VPS53: variants seen among roughly 807,000 people sequenced by gnomAD.
The protein encoded by VPS53 is VPS53 subunit of GARP complex, also known as vacuolar protein sorting-associated protein 53 homolog.
VPS53 carries 70 observed loss-of-function variants against 107.0 expected under a neutral mutation model. The ratio of observed to expected loss-of-function variants is 0.65; its 90% CI spans 0.54 to 0.80. The LOEUF (loss-of-function observed/expected upper bound fraction) is 0.80, where lower values mean the gene tolerates loss of function less well. Ranked by LOEUF, VPS53 falls within the 30% of genes least tolerant of loss-of-function variation. The pLI is 0.00. For synonymous variants in VPS53, 409 were observed against 393.3 expected, an observed-to-expected ratio of 1.04 and a Z score of -0.47; for missense variants, 917 against 1,049.4, an observed-to-expected ratio of 0.87 and a Z score of 1.74.
intron 2 of VPS53, among the ~76,000 whole-genome samples, chr17:705,161 C>T (rs1468189769): frequency 3.3e-5 from 5 of 152,148 alleles, no homozygotes; most frequent in African/African-American, 1.2e-4. Flanking sequence ...CTTGGGCTCA[C>T]CTTACAGCCC....
At chr17:711,281 T>C (rs1237958586) in intron 1 of VPS53, among the ~76,000 whole-genome samples, 1 of 152,218 alleles carries the variant, frequency 6.6e-6, no homozygotes, top group Non-Finnish European at 1.5e-5. Context: ...AGGTGGATGA[T>C]ACAAGCAGCC....
rs1908381990 is a variant in VPS53, at chr17:517,357, A to C, written c.*1771T>G. On this transcript the variant is annotated 3_prime_UTR_variant, in exon 22 of 22. Transcript: ENST00000437048. ...AAATGACACTCAGGATCAGAGCTGGACGGCATCGGGGAGAAAGCCTGGCAG... is the reference window on the plus strand; with the variant it reads ...AAATGACACTCAGGATCAGAGCTGGCCGGCATCGGGGAGAAAGCCTGGCAG... 3.0e-5 allele frequency: 12 copies of C among 399,018 alleles called. No homozygotes were observed. In the Admixed American group the frequency reaches 4.4e-4, roughly 15 times the overall value. 24.7% of individuals were successfully genotyped at this position (399,018 alleles called of 1,614,324 possible).
chr17:587,545 C>T (rs958527644), intron 12 of VPS53, among the ~76,000 whole-genome samples: 10 of 152,112 alleles, frequency 6.6e-5, no homozygotes, highest in Admixed American at 5.9e-4. Context: ...ACTAGATGAG[C>T]GCTGGTTCCC....
chr17:612,255 T>C (rs1446067751), intron 11 of VPS53, among the ~76,000 whole-genome samples: 1 of 125,472 alleles, frequency 8.0e-6, no homozygotes, highest in Non-Finnish European at 1.7e-5. Flanking sequence ...CCTGTACAAA[T>C]ATTCACATAG....
At chr17:597,048 C>T (rs992422751) in intron 12 of VPS53, among the ~76,000 whole-genome samples, 5 of 152,282 alleles carry the variant, frequency 3.3e-5, no homozygotes, top group African/African-American at 1.2e-4. Flanking sequence ...TTTCAGTGTC[C>T]CTCAGGCTCC....
chr17:529,028 C>T (rs1399974106), intron 19 of VPS53, among the ~76,000 whole-genome samples: 1 of 152,176 alleles, frequency 6.6e-6, no homozygotes, highest in East Asian at 1.9e-4. Context: ...TATGAGTGTT[C>T]TAATTTCACC....
chr17:568,457 G>C (rs986846645), intron 13 of VPS53, among the ~76,000 whole-genome samples: 1 of 151,926 alleles, frequency 6.6e-6, no homozygotes, highest in East Asian at 1.9e-4. Context: ...ATGTCACCCA[G>C]GCTGGTCTCG....
chr17:640,394 T>C (rs1031708472), intron 7 of VPS53, among the ~76,000 whole-genome samples: 21 of 152,128 alleles, frequency 1.4e-4, no homozygotes, highest in African/African-American at 4.8e-4. Flanking sequence ...TTTGGTGGGC[T>C]GCACCCACTG....
intron 13 of VPS53, among the ~76,000 whole-genome samples, chr17:585,880 A>G (rs1173481267): frequency 2.0e-5 from 3 of 152,208 alleles, no homozygotes; most frequent in Non-Finnish European, 4.4e-5. Context: ...TAACTTTTTT[A>G]TAAGTCTAAA....
intron 13 of VPS53, among the ~76,000 whole-genome samples, chr17:572,464 G>A (rs1199930605): frequency 1.3e-5 from 2 of 148,490 alleles, no homozygotes; most frequent in African/African-American, 2.5e-5. Context: ...GGTGAGGGGC[G>A]CCTCTGCCCG....
At chr17:711,088 T>C (rs1270451792) in intron 1 of VPS53, among the ~76,000 whole-genome samples, 3 of 152,162 alleles carry the variant, frequency 2.0e-5, no homozygotes, top group Non-Finnish European at 4.4e-5. Context: ...ATGCCTGTCA[T>C]AGTCCCAGCT....
intron 2 of VPS53, among the ~76,000 whole-genome samples, chr17:708,903 T>C (rs1973524160): frequency 2.0e-5 from 3 of 152,236 alleles, no homozygotes; most frequent in African/African-American, 7.2e-5. Context: ...AACTATTTTC[T>C]TTATTATATT....
intron 15 of VPS53, among the ~76,000 whole-genome samples, chr17:557,383 G>C (rs571002919): frequency 1.3e-5 from 2 of 152,194 alleles, no homozygotes; most frequent in Middle Eastern, 6.8e-3. Context: ...ATCTCATCTT[G>C]AGATACTTAA....
chr17:607,258 A>G lies in VPS53; in HGVS notation c.1117-5362T>C, dbSNP rs80190962. ...CCATAAGTGGAGCCTCGTCCCAACT[A>G]CTTTGTCTCTTTGGGATCTCTCTAA... On this transcript the variant is annotated intron_variant, in intron 11 of 21. Coordinates refer to ENST00000437048, the MANE Select transcript of VPS53 (RefSeq NM_001128159.3). Among the ~76,000 whole-genome samples the G allele has an allele frequency of 2.8e-4, 43 of 152,286 alleles. No homozygotes were observed. The East Asian group carries it at 8.3e-3, about 29-fold the overall frequency.
chr17:544,016 AG>A (rs1910967272), intron 17 of VPS53, among the ~76,000 whole-genome samples: 1 of 81,878 alleles, frequency 1.2e-5, no homozygotes, highest in East Asian at 5.8e-4. Context: ...GGAGGGAGTG[AG>A]GAAGGCAGGG....
At chr17:586,233 A>G (rs1171020329) in intron 13 of VPS53, 37 bp downstream of exon 13, 1 of 1,597,420 alleles carries the variant, frequency 6.3e-7, no homozygotes, top group African/African-American at 1.3e-5. Context: ...GAGCGGCGAG[A>G]AATGCAGGCA....
intron 11 of VPS53, among the ~76,000 whole-genome samples, chr17:613,911 C>T (rs1969018410): frequency 6.6e-6 from 1 of 152,242 alleles, no homozygotes; most frequent in Non-Finnish European, 1.5e-5. Context: ...ACAATATGTG[C>T]ATCACCCACA....
intron 7 of VPS53, among the ~76,000 whole-genome samples, chr17:648,366 A>G (rs1237121665): frequency 6.6e-6 from 1 of 152,154 alleles, no homozygotes; most frequent in Non-Finnish European, 1.5e-5. Flanking sequence ...CCTGGCCAAC[A>G]TGGTGAAACC....
chr17:590,292 T>A (rs1471504821), intron 12 of VPS53, among the ~76,000 whole-genome samples: 1 of 152,008 alleles, frequency 6.6e-6, no homozygotes, highest in Non-Finnish European at 1.5e-5. Flanking sequence ...GATAATGGGG[T>A]TTTCTAGATA....
Sources: allele counts gnomAD v4.1 joint callset (sites outside exome capture counted in the v4.1 genomes callset), GRCh38; gene constraint gnomAD v4.1.1; transcripts MANE v1.5; gene names NCBI Gene and HGNC (gene_info 2026-07-23, HGNC 2026-07-21).